ZBTB16: variants seen among roughly 807,000 people sequenced by gnomAD.
ZBTB16 encodes zinc finger and BTB domain containing 16, also known as zinc finger and BTB domain-containing protein 16.
A neutral mutation model predicts 56.8 loss-of-function variants in ZBTB16; 8 were observed. The observed-to-expected ratio is 0.14, with a 90% CI of 0.08 to 0.25. ZBTB16 has a LOEUF of 0.25. ZBTB16 is among the 10% of genes least tolerant of loss of function. The pLI is 1.00. For synonymous variants in ZBTB16, 363 were observed against 368.5 expected (o/e 0.98, Z 0.17); for missense variants, 625 against 903.0 (o/e 0.69, Z 3.95).
chr11:114,229,978 CAGAA>C (rs1200169375), intron 4 of ZBTB16, among the ~76,000 whole-genome samples: 1 of 152,136 alleles, frequency 6.6e-6, no homozygotes, highest in East Asian at 1.9e-4. Context: ...GCAGTGAAAT[CAGAA>C]TCACCTGATT....
At chr11:114,074,513 A>T (rs1939466955) in intron 2 of ZBTB16, among the ~76,000 whole-genome samples, 1 of 152,156 alleles carries the variant, frequency 6.6e-6, no homozygotes, top group African/African-American at 2.4e-5. Context: ...CCCCCAACCC[A>T]TCTCTTTAAG....
intron 2 of ZBTB16, among the ~76,000 whole-genome samples, chr11:114,066,316 C>G (rs1019119086): frequency 1.3e-5 from 2 of 152,178 alleles, no homozygotes; most frequent in African/African-American, 4.8e-5. Flanking sequence ...CCGACTTTTT[C>G]CAGTGGGTGC....
At chr11:114,210,123 G>A (rs747898617) in intron 4 of ZBTB16, among the ~76,000 whole-genome samples, 1 of 152,050 alleles carries the variant, frequency 6.6e-6, no homozygotes, top group Non-Finnish European at 1.5e-5. Flanking sequence ...TTGCAAATGT[G>A]CGGGTTGATC....
At chr11:114,119,139 G>A (rs985520295) in intron 2 of ZBTB16, among the ~76,000 whole-genome samples, 2 of 151,634 alleles carry the variant, frequency 1.3e-5, no homozygotes, top group African/African-American at 4.8e-5. Context: ...GGTGGTGGGT[G>A]CCTTAGTCCC....
chr11:114,091,620 CCCTT>C, intron 2 of ZBTB16, among the ~76,000 whole-genome samples: 1 of 146,512 alleles, frequency 6.8e-6, no homozygotes, highest in Admixed American at 6.9e-5. Flanking sequence ...CTCCCTCCCT[CCCTT>C]CCTCCCTTCC....
intron 2 of ZBTB16, among the ~76,000 whole-genome samples, chr11:114,130,582 G>A (rs1167502687): frequency 6.6e-6 from 1 of 152,230 alleles, no homozygotes; most frequent in East Asian, 1.9e-4. Context: ...ATGAATGTGG[G>A]TAGGCAGCAG....
At chr11:114,100,630 G>A (rs2137752126) in intron 2 of ZBTB16, among the ~76,000 whole-genome samples, 1 of 152,304 alleles carries the variant, frequency 6.6e-6, no homozygotes, top group Non-Finnish European at 1.5e-5. Context: ...AGAACGGTGT[G>A]GGGATTTGGA....
At chr11:114,150,460 C>T (rs1039941452) in intron 2 of ZBTB16, among the ~76,000 whole-genome samples, 3 of 152,076 alleles carry the variant, frequency 2.0e-5, no homozygotes, top group Non-Finnish European at 4.4e-5. Context: ...CATAGCAAGA[C>T]CTCGTCTCTA....
At chr11:114,068,060 C>CAAAAAAAAA (rs4020463) in intron 2 of ZBTB16, among the ~76,000 whole-genome samples, 18 of 111,202 alleles carry the variant, frequency 1.6e-4, no homozygotes, top group East Asian at 2.6e-4. Flanking sequence ...AAAGCCAAGA[C>CAAAAAAAAA]AAAAAAAAAA....
chr11:114,093,411 C>T (rs1003264053), intron 2 of ZBTB16, among the ~76,000 whole-genome samples: 2 of 152,106 alleles, frequency 1.3e-5, no homozygotes, highest in African/African-American at 4.8e-5. Flanking sequence ...CCCCGATTCC[C>T]CTCTCTTCCT....
At chr11:114,117,796 A>G (rs1379773301) in intron 2 of ZBTB16, among the ~76,000 whole-genome samples, 2 of 152,232 alleles carry the variant, frequency 1.3e-5, no homozygotes, top group Non-Finnish European at 2.9e-5. Flanking sequence ...ATGATATTTT[A>G]GCATGAACAA....
At chr11:114,068,060 C>CAAAAAA (rs4020463) in intron 2 of ZBTB16, among the ~76,000 whole-genome samples, 6 of 111,318 alleles carry the variant, frequency 5.4e-5, no homozygotes, top group African/African-American at 1.8e-4. Flanking sequence ...AAAGCCAAGA[C>CAAAAAA]AAAAAAAAAA....
chr11:114,078,262 A>G (rs531695292), intron 2 of ZBTB16, among the ~76,000 whole-genome samples: 1 of 152,306 alleles, frequency 6.6e-6, no homozygotes, highest in South Asian at 2.1e-4. Context: ...AAGATGGGAA[A>G]GGGTGGAGGT....
chr11:114,150,777 G>T (rs1019582728), intron 2 of ZBTB16, among the ~76,000 whole-genome samples: 1 of 152,216 alleles, frequency 6.6e-6, no homozygotes, highest in African/African-American at 2.4e-5. Flanking sequence ...ACTTGGAAAG[G>T]TGAATGAGGC....
intron 6 of ZBTB16, among the ~76,000 whole-genome samples, chr11:114,249,316 G>A (rs867072583): frequency 9.9e-5 from 15 of 151,838 alleles, no homozygotes; most frequent in Middle Eastern, 3.4e-3. Context: ...AAAATTAGCC[G>A]GGCATGGTGG....
intron 3 of ZBTB16, among the ~76,000 whole-genome samples, chr11:114,161,302 G>A (rs1048577328): frequency 6.6e-6 from 1 of 152,160 alleles, no homozygotes; most frequent in African/African-American, 2.4e-5. Flanking sequence ...TAGGGTTTGA[G>A]TATTCATGTG....
chr11:114,125,161 C>G (rs1472974722), intron 2 of ZBTB16, among the ~76,000 whole-genome samples: 1 of 152,168 alleles, frequency 6.6e-6, no homozygotes, highest in Admixed American at 6.5e-5. Context: ...AGAGGCAGTA[C>G]AAAGATATCT....
chr11:114,231,262 A>G (rs747216707), intron 4 of ZBTB16, among the ~76,000 whole-genome samples: 11 of 152,116 alleles, frequency 7.2e-5, no homozygotes, highest in Non-Finnish European at 1.3e-4. Context: ...TATGTGTTGG[A>G]CACTGTGCTC....
chr11:114,235,067 A>T (rs1944536483), intron 4 of ZBTB16, among the ~76,000 whole-genome samples: 1 of 152,104 alleles, frequency 6.6e-6, no homozygotes. Flanking sequence ...GGGAGGGGGA[A>T]GTTTCTAGTT....
Sources: allele counts gnomAD v4.1 joint callset (sites outside exome capture counted in the v4.1 genomes callset), GRCh38; gene constraint gnomAD v4.1.1; transcripts MANE v1.5; gene names NCBI Gene and HGNC (gene_info 2026-07-23, HGNC 2026-07-21).